MTA1: variants seen among roughly 807,000 people sequenced by gnomAD.
The protein encoded by MTA1 is metastasis-associated protein MTA1.
In MTA1, 15 loss-of-function variants were observed where a neutral mutation model predicts 97.0. The ratio of observed to expected loss-of-function variants is 0.15; its 90% CI spans 0.10 to 0.24. The LOEUF (loss-of-function observed/expected upper bound fraction) is 0.24, where lower values mean the gene tolerates loss of function less well. Among genes scored for constraint, MTA1 ranks in the 10% least tolerant of loss-of-function variants. The pLI is 1.00. For synonymous variants in MTA1, 435 were observed against 417.5 expected, an observed-to-expected ratio of 1.04 and a Z score of -0.51; for missense variants, 709 against 1,015.1, an observed-to-expected ratio of 0.70 and a Z score of 4.10.
chr14:105,460,490 T>G, intron 9 of MTA1, 33 bp downstream of exon 9: 1 of 1,567,964 alleles, frequency 6.4e-7, no homozygotes, highest in South Asian at 1.2e-5. Flanking sequence ...AGGTGAGACC[T>G]GGGGTGGCCC....
chr14:105,465,796 G>A (rs1204233155), intron 16 of MTA1: 1 of 152,546 alleles, frequency 6.6e-6, no homozygotes, highest in African/African-American at 2.4e-5. Flanking sequence ...TGGTGGCGGT[G>A]GGGGGCCTCC....
intron 18 of MTA1, chr14:105,467,382 G>T (rs984468364): frequency 1.3e-5 from 6 of 455,220 alleles, no homozygotes; most frequent in Non-Finnish European, 2.6e-5. Flanking sequence ...TTCACTGACG[G>T]TGCTGGCCAG....
chr14:105,470,047 C>T lies in MTA1; in HGVS notation c.1998-18C>T. The T allele has an allele frequency of 6.2e-7, 1 of 1,612,598 alleles. No homozygotes were observed. Among genetic ancestry groups the T allele is most frequent in the Non-Finnish European group, 8.5e-7 (1 of 1,179,864 alleles). On this transcript the variant is annotated intron_variant, in intron 20 of 20. Coordinates refer to ENST00000331320, the MANE Select transcript of MTA1 (RefSeq NM_004689.4). ...CTCCGCACAGCGTCCCGGCCCTCAC[C>T]ACCACCTCTGCCCACAGGAAGATCC...
chr14:105,463,693 A>T lies in MTA1; in HGVS notation c.1076+142A>T, dbSNP rs374141021. 32 of 783,348 alleles carry T rather than the reference A, an allele frequency of 4.1e-5. No homozygotes were observed. In the African/African-American group the frequency reaches 4.5e-4, roughly 11 times the overall value. 48.5% of individuals were successfully genotyped at this position (783,348 alleles called of 1,614,324 possible). A position where few individuals can be genotyped will look rare whatever the true frequency, so the allele number is the denominator to read the frequency against. ...GGGGCAGCCCCCGGGAGGGCGGCCC[A>T]GGGCTGGGGGGTTCTGGCTGCAGAC... On this transcript the variant is annotated intron_variant, in intron 12 of 20. Coordinates refer to ENST00000331320, the MANE Select transcript of MTA1 (RefSeq NM_004689.4). The surrounding 1 kb of genome is among the most constrained non-coding windows in gnomAD (Gnocchi z 5.9).
intron 2 of MTA1, among the ~76,000 whole-genome samples, chr14:105,439,240 C>G (rs587775479): frequency 6.6e-6 from 1 of 152,228 alleles, no homozygotes; most frequent in African/African-American, 2.4e-5. Flanking sequence ...TGCCCCCAAC[C>G]CTGAGGTGTC....
intron 2 of MTA1, among the ~76,000 whole-genome samples, chr14:105,443,167 G>C (rs1053713269): frequency 4.6e-5 from 7 of 152,142 alleles, no homozygotes; most frequent in African/African-American, 1.7e-4. Flanking sequence ...GGGACAGCTC[G>C]ACCTGCAGGA....
At chr14:105,465,561 A>G (rs2083542623) in intron 16 of MTA1, 1 of 166,638 alleles carries the variant, frequency 6.0e-6, no homozygotes, top group Non-Finnish European at 1.3e-5. Context: ...TGCCTGTAAT[A>G]CCATTAAGGC....
At position 105,463,933 on chromosome 14, in the gene MTA1, TC is replaced by T. The variant is rs2083459493; in HGVS notation, c.1077-98del. The T allele has an allele frequency of 2.6e-6, 3 of 1,144,420 alleles. No individual in the cohort carries two copies. The highest frequency in any genetic ancestry group is 1.8e-5 in the Admixed American group (1 of 54,642). The allele number at this position is 1,144,420 out of a possible 1,614,324, so 70.9% of individuals were successfully genotyped here. A position where few individuals can be genotyped will look rare whatever the true frequency, so the allele number is the denominator to read the frequency against. On this transcript the variant is annotated intron_variant, in intron 12 of 20. Coordinates refer to ENST00000331320, the MANE Select transcript of MTA1 (RefSeq NM_004689.4). This position sits in a 1 kb window ranked among gnomAD's most constrained non-coding sequence, Gnocchi z 5.9. ...AGGCCGAGGGGTGCGAGGACGTGGT[TC>T]TGGACAAGGGGTGGTCAGCCGCGGT...
At chr14:105,467,321 G>A in intron 18 of MTA1, 2 of 436,002 alleles carry the variant, frequency 4.6e-6, no homozygotes, top group South Asian at 3.2e-5. Context: ...GGGTGTGCAA[G>A]TGCTGGGCCT....
intron 10 of MTA1, 127 bp downstream of exon 10, chr14:105,461,080 G>A (rs1044691171): frequency 1.2e-5 from 12 of 992,632 alleles, no homozygotes; most frequent in Admixed American, 5.5e-5. Context: ...TTCCCTGTGC[G>A]GAGCTGCATG....
At chr14:105,443,750 T>G (rs1198832464) in intron 2 of MTA1, among the ~76,000 whole-genome samples, 1 of 152,178 alleles carries the variant, frequency 6.6e-6, no homozygotes, top group Non-Finnish European at 1.5e-5. Flanking sequence ...AGTTCAAGAT[T>G]AGCCTGAGCA....
At chr14:105,469,091 C>A in intron 18 of MTA1, 1 of 481,482 alleles carries the variant, frequency 2.1e-6, no homozygotes, top group Non-Finnish European at 4.1e-6. Flanking sequence ...AGCGTGGCTG[C>A]CCTGCAGAGG....
At chr14:105,468,889 G>A (rs587776252) in intron 18 of MTA1, 13 of 284,474 alleles carry the variant, frequency 4.6e-5, no homozygotes, top group Middle Eastern at 1.3e-3. Context: ...CCCAACTCCC[G>A]CAGTGCCCCT....
intron 18 of MTA1, chr14:105,467,724 A>G: frequency 3.0e-6 from 1 of 338,862 alleles, no homozygotes; most frequent in African/African-American, 2.2e-5. Flanking sequence ...CCCATTGCCT[A>G]GTCCTGGGCC....
intron 8 of MTA1, 39 bp from the exon 9 acceptor site, chr14:105,460,319 C>G: frequency 1.9e-6 from 3 of 1,561,048 alleles, no homozygotes; most frequent in Non-Finnish European, 2.6e-6. Context: ...GGAGTCCCTG[C>G]TTGGCCGACA....
chr14:105,465,293 G>A, intron 16 of MTA1, 110 bp downstream of exon 16: 1 of 942,158 alleles, frequency 1.1e-6, no homozygotes, highest in East Asian at 2.9e-5. Flanking sequence ...CTCCTGGACA[G>A]CCCCCCAGGG....
chr14:105,458,901 C>T (rs1482464044), intron 8 of MTA1, among the ~76,000 whole-genome samples: 1 of 152,210 alleles, frequency 6.6e-6, no homozygotes. Context: ...CCCTACTCCG[C>T]AGCCTGGGGC....
rs1037608457 is a variant in MTA1 at position 105,422,643 on chromosome 14, A to G, written c.28+2580A>G. ...GTATGTCCCAAATATGGCATGGGAC[A>G]TACTTGTCCCAGAAGATTCTTATCT... On this transcript the variant is annotated intron_variant, in intron 1 of 20. Transcript: ENST00000331320. The surrounding 1 kb of genome is among the most constrained non-coding windows in gnomAD (Gnocchi z 4.3). Among the ~76,000 whole-genome samples, 3 of 152,244 alleles carry G rather than the reference A, an allele frequency of 2.0e-5. No individual in the cohort carries two copies. Among genetic ancestry groups the G allele is most frequent in the Non-Finnish European group, 4.4e-5 (3 of 68,048 alleles).
At chr14:105,436,716 G>A (rs2082335511) in intron 1 of MTA1, among the ~76,000 whole-genome samples, 1 of 152,160 alleles carries the variant, frequency 6.6e-6, no homozygotes, top group East Asian at 1.9e-4. Flanking sequence ...TCACTTAAGG[G>A]ACATTTTTCC....
Sources: gnomAD v4.1 joint callset for allele counts (sites outside exome capture counted in the v4.1 genomes callset) on GRCh38, gnomAD v4.1.1 for gene constraint, Gnocchi (gnomAD v3.1) non-coding constraint, MANE v1.5 for transcripts, NCBI Gene and HGNC (gene_info 2026-07-23, HGNC 2026-07-21) for gene names.